Variants in GPM6A observed in about 807,000 individuals in gnomAD.
GPM6A encodes the protein neuronal membrane glycoprotein M6-a.
A neutral mutation model predicts 32.1 loss-of-function variants in GPM6A; 7 were observed. The ratio of observed to expected loss-of-function variants is 0.22; its 90% CI spans 0.12 to 0.41. GPM6A has a LOEUF of 0.41. Among genes scored for constraint, GPM6A ranks in the 10% least tolerant of loss-of-function variants. GPM6A has a pLI of 1.00. For missense variants in GPM6A, 235 were observed against 347.2 expected (o/e 0.68, Z 2.57); for synonymous variants, 130 against 123.4 (o/e 1.05, Z -0.35).
At chr4:175,800,894 G>T (rs562140666) in intron 1 of GPM6A, 52 of 197,430 alleles carry the variant, frequency 2.6e-4, no homozygotes, top group Admixed American at 1.0e-3. Flanking sequence ...TATGGAAAAT[G>T]ATTTTTGGAG....
At chr4:175,700,943 TG>T (rs1459958712) in intron 2 of GPM6A, among the ~76,000 whole-genome samples, 1 of 152,230 alleles carries the variant, frequency 6.6e-6, no homozygotes, top group East Asian at 1.9e-4. Context: ...ATTTTCAGAC[TG>T]TTTAAGTTAC....
At chr4:175,812,881 G>T (rs1450734909), upstream of GPM6A, 14 of 984,958 alleles carry the variant, frequency 1.4e-5, no homozygotes, top group Non-Finnish European at 1.7e-5. Context: ...GATTTAAGGT[G>T]CCAAGAAAGG....
At chr4:175,680,927 A>G (rs370566514) in intron 2 of GPM6A, among the ~76,000 whole-genome samples, 4 of 152,340 alleles carry the variant, frequency 2.6e-5, no homozygotes, top group Admixed American at 2.0e-4. Context: ...ATACAAATTC[A>G]TAGAGATTGT....
At chr4:176,001,651 G>A (rs1741485800) in intron 1 of GPM6A, among the ~76,000 whole-genome samples, 1 of 152,164 alleles carries the variant, frequency 6.6e-6, no homozygotes, top group Admixed American at 6.5e-5. Context: ...GAGCCAGTGT[G>A]GACGCCCTTT....
intron 1 of GPM6A, among the ~76,000 whole-genome samples, chr4:175,725,255 G>A (rs1306990715): frequency 1.3e-5 from 2 of 151,166 alleles, no homozygotes; most frequent in African/African-American, 4.9e-5. Context: ...CAAAAGAATA[G>A]AGCTATATTG....
rs1741233809 is a variant in GPM6A, at chr4:175,994,149, TGA to T, written c.-23+8158_-23+8159del. ...ATAAATACAAATGACACTGAAGCTA[TGA>T]GACAGGAGGTTATTAGTAACTTTCA... On this transcript the variant is annotated intron_variant, in intron 1 of 7. Transcript: ENST00000280187. 2.0e-5 allele frequency among the ~76,000 whole-genome samples: 3 copies of T among 152,106 alleles called. No individual in the cohort carries two copies. The South Asian group carries it at 6.2e-4, about 32-fold the overall frequency.
chr4:175,913,321 T>C (rs1326564022), intron 1 of GPM6A, among the ~76,000 whole-genome samples: 1 of 152,244 alleles, frequency 6.6e-6, no homozygotes, highest in Non-Finnish European at 1.5e-5. Context: ...TCATGTGTTT[T>C]AATACTTATA....
chr4:175,849,092 T>A (rs1736174211), intron 1 of GPM6A, among the ~76,000 whole-genome samples: 1 of 152,188 alleles, frequency 6.6e-6, no homozygotes, highest in Non-Finnish European at 1.5e-5. Flanking sequence ...TTTGTATAGA[T>A]TTAAGAGTGT....
At chr4:175,867,610 T>C (rs1185787480) in intron 1 of GPM6A, among the ~76,000 whole-genome samples, 3 of 152,206 alleles carry the variant, frequency 2.0e-5, no homozygotes, top group Non-Finnish European at 4.4e-5. Flanking sequence ...TTAAACTATT[T>C]GTTGCCATTG....
At chr4:175,883,590 G>T (rs1463123576) in intron 1 of GPM6A, among the ~76,000 whole-genome samples, 3 of 152,062 alleles carry the variant, frequency 2.0e-5, no homozygotes, top group Non-Finnish European at 4.4e-5. Context: ...ATCTTCCCAA[G>T]TTATTACAGA....
At chr4:175,938,444 T>C (rs1739307899) in intron 1 of GPM6A, among the ~76,000 whole-genome samples, 1 of 152,208 alleles carries the variant, frequency 6.6e-6, no homozygotes, top group African/African-American at 2.4e-5. Context: ...TGATCGCCAT[T>C]CTAACTGGCT....
chr4:175,834,915 C>T (rs1262644884), intron 1 of GPM6A, among the ~76,000 whole-genome samples: 2 of 152,168 alleles, frequency 1.3e-5, no homozygotes, highest in Non-Finnish European at 2.9e-5. Flanking sequence ...GAGTCAAGAG[C>T]TCCCTTACCA....
intron 6 of GPM6A, among the ~76,000 whole-genome samples, chr4:175,637,695 A>G (rs1368907422): frequency 5.6e-4 from 1 of 1,776 alleles, no homozygotes; most frequent in African/African-American, 1.7e-3. Flanking sequence ...AATATATAAT[A>G]TATTATATAT....
intron 1 of GPM6A, among the ~76,000 whole-genome samples, chr4:175,874,215 G>T (rs1261745358): frequency 1.3e-5 from 2 of 152,088 alleles, no homozygotes; most frequent in Non-Finnish European, 2.9e-5. Flanking sequence ...AGAAATAGAA[G>T]TAATGACAAA....
chr4:175,995,129 G>A (rs184879925), intron 1 of GPM6A, among the ~76,000 whole-genome samples: 1 of 152,058 alleles, frequency 6.6e-6, no homozygotes, highest in Non-Finnish European at 1.5e-5. Flanking sequence ...GCCCCTCAAG[G>A]TTATCCATGA....
chr4:175,964,667 CT>C (rs1175378889), intron 1 of GPM6A, among the ~76,000 whole-genome samples: 1 of 152,096 alleles, frequency 6.6e-6, no homozygotes, highest in Non-Finnish European at 1.5e-5. Flanking sequence ...CTCATTTTAC[CT>C]TAATTACATC....
chr4:175,812,314 T>TG, upstream of GPM6A: 2 of 1,239,592 alleles, frequency 1.6e-6, no homozygotes, highest in East Asian at 3.4e-5. Context: ...TTTTTTTTTT[T>TG]TTTTTTTTTT....
At chr4:175,711,764 G>A (rs1745563615) in intron 1 of GPM6A, among the ~76,000 whole-genome samples, 1 of 151,654 alleles carries the variant, frequency 6.6e-6, no homozygotes, top group Non-Finnish European at 1.5e-5. Flanking sequence ...GTAGTAATCT[G>A]GGATTCAGTT....
At chr4:175,734,320 C>T (rs1004712642) in intron 1 of GPM6A, among the ~76,000 whole-genome samples, 1 of 152,036 alleles carries the variant, frequency 6.6e-6, no homozygotes, top group African/African-American at 2.4e-5. Context: ...AATTGGCTCA[C>T]TACTGTCACT....
Sources: allele counts gnomAD v4.1 joint callset (sites outside exome capture counted in the v4.1 genomes callset), GRCh38; gene constraint gnomAD v4.1.1; transcripts MANE v1.5; gene names NCBI Gene and HGNC (gene_info 2026-07-23, HGNC 2026-07-21).